The following C12orf42 variants were observed in gnomAD, a reference collection of about 807,000 sequenced individuals.
The protein encoded by C12orf42 is chromosome 12 open reading frame 42, also known as uncharacterized protein C12orf42.
A neutral mutation model predicts 21.6 loss-of-function variants in C12orf42; 25 were observed. The observed-to-expected ratio is 1.16, with a 90% confidence interval of 0.84 to 1.62. The LOEUF is 1.62. C12orf42 is among the 40% of genes most tolerant of loss of function. The pLI is 0.00. For missense variants in C12orf42, 483 were observed against 459.3 expected (o/e 1.05, Z -0.47); for synonymous variants, 174 against 175.0 (o/e 0.99, Z 0.05).
chr12:103,396,160 G>T (rs2047514702), intron 3 of C12orf42, among the ~76,000 whole-genome samples: 1 of 151,846 alleles, frequency 6.6e-6, no homozygotes, highest in African/African-American at 2.4e-5. Flanking sequence ...ATCTTAAATT[G>T]TAATCAGGGG....
chr12:103,247,774 G>A (rs2034083404), intron 10 of C12orf42, among the ~76,000 whole-genome samples: 1 of 151,886 alleles, frequency 6.6e-6, no homozygotes, highest in Non-Finnish European at 1.5e-5. Flanking sequence ...ATACTGGTTG[G>A]GAATTTAAAG....
At chr12:103,290,400 C>A (rs2036722064) in intron 4 of C12orf42, among the ~76,000 whole-genome samples, 1 of 152,132 alleles carries the variant, frequency 6.6e-6, no homozygotes, top group South Asian at 2.1e-4. Flanking sequence ...CTTTCATTGT[C>A]AAGGACAGTT....
intron 1 of C12orf42, among the ~76,000 whole-genome samples, chr12:103,488,813 G>T (rs1206434417): frequency 2.6e-5 from 4 of 152,100 alleles, no homozygotes; most frequent in Non-Finnish European, 5.9e-5. Flanking sequence ...TTCACTTAAG[G>T]TCTTCTCTAC....
At position 103,302,118 on chromosome 12, in the gene C12orf42, T is replaced by A. The variant is rs190400201; in HGVS notation, c.1073A>T (p.His358Leu). The A allele has an allele frequency of 1.9e-5, 31 of 1,611,590 alleles. No individual in the cohort carries two copies. In the African/African-American group the frequency reaches 3.3e-4, roughly 17 times the overall value. Residue 358 changes from histidine (H) to leucine (L), a missense_variant, in exon 6 of 6, where the codon CAC becomes CTC. By Grantham distance (99) the His-to-Leu change is moderately conservative. Coordinates refer to ENST00000548883, the MANE Select transcript of C12orf42 (RefSeq NM_198521.5). Reference protein sequence around the residue: ...QALSRPVVNAHLH With the variant: ...QALSRPVVNALLH ...ATTCCCTCGCAGCGGTCAATGTAAG[T>A]GAGCATTCACCACCGGCCTAGAAAG...
At chr12:103,393,241 T>C (rs35045561) in intron 3 of C12orf42, among the ~76,000 whole-genome samples, 7 of 152,148 alleles carry the variant, frequency 4.6e-5, no homozygotes, top group African/African-American at 1.7e-4. Context: ...CAGCTACTGA[T>C]GAGAGCTTCT....
At chr12:103,557,620 C>T in the C12orf42 span, 3 of 152,232 alleles carry the variant, frequency 2.0e-5, no homozygotes, top group African/African-American at 7.2e-5. Flanking sequence ...AGCCTCCCAA[C>T]CCTGGGCTGA....
At chr12:103,519,324 T>C in the C12orf42 span, among the ~76,000 whole-genome samples, 836 of 152,104 alleles carry the variant, frequency 5.5e-3, 6 homozygotes, top group Middle Eastern at 0.017. Flanking sequence ...GTGTTGAGAG[T>C]TGATTTAAAG....
At chr12:103,535,368 CTTATA>C in the C12orf42 span, among the ~76,000 whole-genome samples, 4,111 of 151,608 alleles carry the variant, frequency 0.027, 149 homozygotes, top group East Asian at 0.2. Flanking sequence ...ATAAGCATAA[CTTATA>C]TTATATATAA....
intron 3 of C12orf42, among the ~76,000 whole-genome samples, chr12:103,377,263 G>C (rs577183938): frequency 6.6e-6 from 1 of 151,878 alleles, no homozygotes; most frequent in Admixed American, 6.6e-5. Flanking sequence ...TATGTTAAAA[G>C]CCTTCCTCAA....
the C12orf42 span, among the ~76,000 whole-genome samples, chr12:103,508,628 CATTT>C: frequency 6.6e-6 from 1 of 152,076 alleles, no homozygotes; most frequent in Non-Finnish European, 1.5e-5. Flanking sequence ...ATCCTAGCAC[CATTT>C]ATTTATTTAT....
chr12:103,356,985 T>C (rs1001129460), intron 4 of C12orf42, among the ~76,000 whole-genome samples: 5 of 152,162 alleles, frequency 3.3e-5, no homozygotes, highest in African/African-American at 9.6e-5. Flanking sequence ...GATGAGTTCA[T>C]GTCCTTTGTA....
At chr12:103,544,000 T>C in the C12orf42 span, among the ~76,000 whole-genome samples, 207 of 152,068 alleles carry the variant, frequency 1.4e-3, 1 homozygote, top group African/African-American at 4.5e-3. Flanking sequence ...TTCACACCAT[T>C]CTCACACCTC....
the C12orf42 span, among the ~76,000 whole-genome samples, chr12:103,536,547 G>T: frequency 6.6e-6 from 1 of 152,124 alleles, no homozygotes; most frequent in Non-Finnish European, 1.5e-5. Context: ...AACTCAATAA[G>T]GAGTAAGACA....
At chr12:103,146,610 A>AAGAAAGAAAGAG in the C12orf42 span, among the ~76,000 whole-genome samples, 1 of 147,804 alleles carries the variant, frequency 6.8e-6, no homozygotes, top group Admixed American at 6.8e-5. Context: ...GAAAGAAAGA[A>AAGAAAGAAAGAG]AAAGAAAAGT....
chr12:103,374,326 C>T (rs78191563), intron 3 of C12orf42, among the ~76,000 whole-genome samples: 1 of 152,234 alleles, frequency 6.6e-6, no homozygotes, highest in African/African-American at 2.4e-5. Flanking sequence ...ATTCCATTGG[C>T]TGCTTGGATT....
chr12:103,191,988 A>T, the C12orf42 span, among the ~76,000 whole-genome samples: 2 of 152,044 alleles, frequency 1.3e-5, no homozygotes, highest in Admixed American at 6.6e-5. Context: ...TAAAACCACA[A>T]ACAAAAATTC....
In C12orf42 at chr12:103,463,692, T is replaced by C. The variant is rs376581893; in HGVS notation, c.78+14657A>G. Among the ~76,000 whole-genome samples, 9 of 152,254 alleles carry C rather than the reference T, an allele frequency of 5.9e-5. No individual in the cohort carries two copies. The East Asian group carries it at 9.6e-4, about 16-fold the overall frequency. Reference sequence around the variant, plus strand: ...GTAGTTTGCCGCACCTATTAGCCCATCACCTAGGTATTAAGCCCACATGCA... The same window carrying C: ...GTAGTTTGCCGCACCTATTAGCCCACCACCTAGGTATTAAGCCCACATGCA... On this transcript the variant is annotated intron_variant, in intron 2 of 5. Coordinates refer to ENST00000548883, the MANE Select transcript of C12orf42 (RefSeq NM_198521.5).
intron 2 of C12orf42, among the ~76,000 whole-genome samples, chr12:103,451,926 A>G (rs1055244314): frequency 6.6e-6 from 1 of 151,914 alleles, no homozygotes; most frequent in African/African-American, 2.4e-5. Context: ...CTCAATTTCT[A>G]GGTACCAATT....
chr12:103,365,471 C>T (rs559900622), intron 4 of C12orf42, among the ~76,000 whole-genome samples: 4 of 152,128 alleles, frequency 2.6e-5, no homozygotes, highest in South Asian at 2.1e-4. Context: ...GAAGTCCTAG[C>T]CAGAGCAATC....
Sources: allele counts gnomAD v4.1 joint callset (sites outside exome capture counted in the v4.1 genomes callset), GRCh38; gene constraint gnomAD v4.1.1; transcripts MANE v1.5; gene names NCBI Gene and HGNC (gene_info 2026-07-23, HGNC 2026-07-21).